PDE4D: variants seen among roughly 807,000 people sequenced by gnomAD.
The protein encoded by PDE4D is phosphodiesterase 4D, also known as 3',5'-cyclic-AMP phosphodiesterase 4D.
Under a neutral mutation model 87.4 loss-of-function variants are expected in PDE4D, and 24 were observed. The ratio of observed to expected loss-of-function variants is 0.27; its 90% CI spans 0.20 to 0.39. The LOEUF is 0.39. Ranked by LOEUF, PDE4D falls within the 10% of genes least tolerant of loss-of-function variation. The pLI, the probability that PDE4D is intolerant of heterozygous loss-of-function variation, is 1.00. For synonymous variants in PDE4D, 384 were observed against 383.2 expected (o/e 1.00, Z -0.02); for missense variants, 714 against 1,041.0 (o/e 0.69, Z 4.32).
chr5:60,276,800 CTT>C (rs1486883006), intron 1 of PDE4D, among the ~76,000 whole-genome samples: 2 of 151,596 alleles, frequency 1.3e-5, no homozygotes, highest in African/African-American at 2.4e-5. Context: ...TAATGTACCT[CTT>C]TGTCACTAGT....
intron 1 of PDE4D, among the ~76,000 whole-genome samples, chr5:60,471,029 T>A (rs931263668): frequency 6.6e-6 from 1 of 152,132 alleles, no homozygotes; most frequent in African/African-American, 2.4e-5. Context: ...CAATGTCAGT[T>A]GAAAGCCTTC....
chr5:60,224,029 T>C (rs552367978), intron 1 of PDE4D, among the ~76,000 whole-genome samples: 2 of 152,192 alleles, frequency 1.3e-5, no homozygotes, highest in East Asian at 3.9e-4. Context: ...ACAACTCCAA[T>C]GATACCAATC....
At chr5:59,355,586 A>C (rs1562020474) in intron 1 of PDE4D, among the ~76,000 whole-genome samples, 1 of 152,204 alleles carries the variant, frequency 6.6e-6, no homozygotes, top group Non-Finnish European at 1.5e-5. Context: ...TTTTCAACTA[A>C]ATTTTATAGC....
At chr5:59,496,783 T>C (rs1340809110) in intron 1 of PDE4D, among the ~76,000 whole-genome samples, 3 of 152,186 alleles carry the variant, frequency 2.0e-5, no homozygotes, top group Non-Finnish European at 2.9e-5. Flanking sequence ...TTCAGTGTAC[T>C]GTTGCGGACT....
At chr5:60,140,886 A>T (rs558832977) in intron 2 of PDE4D, among the ~76,000 whole-genome samples, 3 of 152,320 alleles carry the variant, frequency 2.0e-5, no homozygotes, top group Admixed American at 2.0e-4. Flanking sequence ...TTGAATGTAT[A>T]AAACTCACTC....
At chr5:59,198,217 A>T (rs141584297) in intron 2 of PDE4D, among the ~76,000 whole-genome samples, 574 of 152,202 alleles carry the variant, frequency 3.8e-3, no homozygotes, top group African/African-American at 0.013. Flanking sequence ...CAGCTCTTTT[A>T]AAAAAAAGAA....
chr5:60,370,828 TGAGA>T (rs1046055226), intron 1 of PDE4D, among the ~76,000 whole-genome samples: 25 of 147,876 alleles, frequency 1.7e-4, no homozygotes, highest in Admixed American at 6.7e-5. Flanking sequence ...AGAGAGAAAA[TGAGA>T]GAGAGAGAGG....
At chr5:59,383,132 A>G (rs1385359579) in intron 1 of PDE4D, among the ~76,000 whole-genome samples, 1 of 152,202 alleles carries the variant, frequency 6.6e-6, no homozygotes, top group Admixed American at 6.5e-5. Context: ...GATGCTGGGC[A>G]ATTTATTTCC....
intron 1 of PDE4D, among the ~76,000 whole-genome samples, chr5:59,356,378 T>A (rs1357388545): frequency 6.6e-6 from 1 of 152,226 alleles, no homozygotes; most frequent in African/African-American, 2.4e-5. Context: ...GCATGTGCCC[T>A]GAAACACTTA....
intron 1 of PDE4D, among the ~76,000 whole-genome samples, chr5:60,215,251 C>T (rs370708949): frequency 2.6e-5 from 4 of 151,894 alleles, no homozygotes; most frequent in African/African-American, 7.3e-5. Flanking sequence ...AACAAGAACA[C>T]GTAAATAAAA....
intron 1 of PDE4D, among the ~76,000 whole-genome samples, chr5:60,329,797 G>A (rs1757158399): frequency 6.6e-6 from 1 of 152,096 alleles, no homozygotes; most frequent in Admixed American, 6.6e-5. Flanking sequence ...TGTCCTCTAT[G>A]ATTTGATTTA....
At chr5:59,369,452 T>C (rs1271636466) in intron 1 of PDE4D, among the ~76,000 whole-genome samples, 1 of 152,104 alleles carries the variant, frequency 6.6e-6, no homozygotes, top group African/African-American at 2.4e-5. Flanking sequence ...GTAGTTTATT[T>C]GGAGAAGAGG....
intron 1 of PDE4D, among the ~76,000 whole-genome samples, chr5:60,269,941 T>G (rs905696941): frequency 1.2e-4 from 18 of 152,290 alleles, no homozygotes; most frequent in African/African-American, 4.3e-4. Flanking sequence ...ACTAAAGGCT[T>G]GGGAAGACTA....
At chr5:59,567,908 A>G (rs1017282606) in intron 1 of PDE4D, among the ~76,000 whole-genome samples, 1 of 152,230 alleles carries the variant, frequency 6.6e-6, no homozygotes, top group African/African-American at 2.4e-5. Context: ...TGATTGTTAG[A>G]TATGTGTACA....
intron 1 of PDE4D, among the ~76,000 whole-genome samples, chr5:60,422,851 T>C (rs1340975101): frequency 6.6e-6 from 1 of 152,144 alleles, no homozygotes; most frequent in African/African-American, 2.4e-5. Context: ...TGTAAGAAGA[T>C]CTACCAAGCA....
At chr5:59,464,828 G>C (rs927497169) in intron 1 of PDE4D, among the ~76,000 whole-genome samples, 7 of 152,078 alleles carry the variant, frequency 4.6e-5, no homozygotes, top group Non-Finnish European at 1.0e-4. Flanking sequence ...AAACATCTAC[G>C]TATTTGCTAT....
At chr5:59,610,194 A>T (rs1397310919) in intron 1 of PDE4D, among the ~76,000 whole-genome samples, 1 of 152,182 alleles carries the variant, frequency 6.6e-6, no homozygotes, top group African/African-American at 2.4e-5. Flanking sequence ...ATGCAGGGGC[A>T]ATTGCAAGGC....
chr5:60,296,876 G>T (rs989447969), intron 1 of PDE4D, among the ~76,000 whole-genome samples: 1 of 152,102 alleles, frequency 6.6e-6, no homozygotes, highest in Non-Finnish European at 1.5e-5. Flanking sequence ...TCACTCATAA[G>T]TGGGAGTTGA....
chr5:59,894,260 T>C (rs538695266), upstream of PDE4D, among the ~76,000 whole-genome samples: 3 of 152,248 alleles, frequency 2.0e-5, no homozygotes, highest in East Asian at 5.8e-4. Context: ...TCAGTGCTCT[T>C]AGAGAAATGG....
Sources: allele counts gnomAD v4.1 joint callset (sites outside exome capture counted in the v4.1 genomes callset), GRCh38; gene constraint gnomAD v4.1.1; transcripts MANE v1.5; gene names NCBI Gene and HGNC (gene_info 2026-07-23, HGNC 2026-07-21).